The following ENOX1 variants were observed in gnomAD, a reference collection of about 807,000 sequenced individuals.
The protein encoded by ENOX1 is candidate growth-related and time keeping constitutive hydroquinone (NADH) oxidase.
ENOX1 carries 42 observed loss-of-function variants against 82.5 expected under a neutral mutation model. The observed-to-expected ratio is 0.51, with a 90% CI of 0.40 to 0.66. ENOX1 has a LOEUF of 0.66. Ranked by LOEUF, ENOX1 falls within the 30% of genes least tolerant of loss-of-function variation. ENOX1 has a pLI of 0.00. For synonymous variants in ENOX1, 271 were observed against 282.2 expected (o/e 0.96, Z 0.40); for missense variants, 608 against 811.6 (o/e 0.75, Z 3.05).
At chr13:43,229,027 A>C (rs1207249286) in intron 15 of ENOX1, among the ~76,000 whole-genome samples, 1 of 152,168 alleles carries the variant, frequency 6.6e-6, no homozygotes, top group African/African-American at 2.4e-5. Context: ...ACCCAGTGGG[A>C]GATAACTGAA....
intron 1 of ENOX1, among the ~76,000 whole-genome samples, chr13:43,701,915 C>T (rs930521229): frequency 1.3e-5 from 2 of 152,092 alleles, no homozygotes; most frequent in African/African-American, 2.4e-5. Context: ...TAGGTGTAGT[C>T]CCTGTGTAGA....
rs372883948 is a variant in ENOX1 at position 43,248,036 on chromosome 13, C to G, written c.1612-11298G>C. Among the ~76,000 whole-genome samples the G allele has an allele frequency of 4.5e-4, 67 of 148,556 alleles. No homozygotes were observed. The East Asian group carries it at 1.0e-2, about 22-fold the overall frequency. On this transcript the variant is annotated intron_variant, in intron 14 of 16. Coordinates refer to ENST00000690772, the MANE Select transcript of ENOX1 (RefSeq NM_001347969.2). ...AAGTACCTGGGACTACAGGCGCCCG[C>G]CACTACGCCTGTCTAATTTTTTGTA...
chr13:43,617,669 G>T (rs1393654534), intron 2 of ENOX1, among the ~76,000 whole-genome samples: 1 of 152,172 alleles, frequency 6.6e-6, no homozygotes, highest in Non-Finnish European at 1.5e-5. Context: ...ATTGTGAATT[G>T]TGCCACTATA....
chr13:43,706,252 T>G (rs1403379571), intron 1 of ENOX1, among the ~76,000 whole-genome samples: 1 of 151,492 alleles, frequency 6.6e-6, no homozygotes, highest in African/African-American at 2.4e-5. Context: ...ATAGAATAAA[T>G]TAATACAAAG....
In ENOX1 at chr13:43,734,080, C is replaced by T. The variant is rs532503932; in HGVS notation, c.-285+52572G>A. ...AAGCCAAGGAAAGCCTCAAGGACTTCGGACAAAACACCAGAAACAAGAAAA... is the reference window on the plus strand; with the variant it reads ...AAGCCAAGGAAAGCCTCAAGGACTTTGGACAAAACACCAGAAACAAGAAAA... On this transcript the variant is annotated intron_variant, in intron 1 of 16. Coordinates refer to ENST00000690772, the MANE Select transcript of ENOX1 (RefSeq NM_001347969.2). 2.4e-4 allele frequency among the ~76,000 whole-genome samples: 36 copies of T among 152,316 alleles called. 1 individual carries two copies. Among genetic ancestry groups the T allele is most frequent in the Admixed American group, 5.9e-4 (9 of 15,300 alleles).
chr13:43,361,818 T>TC (rs2050529312), intron 5 of ENOX1, among the ~76,000 whole-genome samples: 1 of 152,138 alleles, frequency 6.6e-6, no homozygotes, highest in Admixed American at 6.5e-5. Flanking sequence ...ATGGGAAGAA[T>TC]ATCATTTAAC....
chr13:43,734,702 T>C (rs1389950902), intron 1 of ENOX1, among the ~76,000 whole-genome samples: 1 of 152,142 alleles, frequency 6.6e-6, no homozygotes, highest in Non-Finnish European at 1.5e-5. Flanking sequence ...TTTAATGAAA[T>C]CACAGCATGC....
intron 1 of ENOX1, among the ~76,000 whole-genome samples, chr13:43,754,069 T>C (rs1350356077): frequency 6.9e-6 from 1 of 145,000 alleles, no homozygotes; most frequent in Non-Finnish European, 1.5e-5. Flanking sequence ...CATATATACG[T>C]ATATAAATAC....
At chr13:43,469,758 G>T (rs936948049) in intron 3 of ENOX1, among the ~76,000 whole-genome samples, 4 of 151,784 alleles carry the variant, frequency 2.6e-5, no homozygotes, top group African/African-American at 9.7e-5. Flanking sequence ...TAGAAACCAG[G>T]AACATAATTC....
intron 1 of ENOX1, among the ~76,000 whole-genome samples, chr13:43,740,781 GT>G (rs1381055300): frequency 6.6e-6 from 1 of 152,114 alleles, no homozygotes; most frequent in East Asian, 1.9e-4. Flanking sequence ...CACTTCACAT[GT>G]TTTTAAGGTT....
chr13:43,290,928 G>A (rs2045965335), intron 12 of ENOX1, among the ~76,000 whole-genome samples: 1 of 152,152 alleles, frequency 6.6e-6, no homozygotes, highest in Non-Finnish European at 1.5e-5. Flanking sequence ...TCAGGAGGCT[G>A]AGACAAGAGA....
chr13:43,601,643 G>A (rs1404727453), intron 2 of ENOX1, among the ~76,000 whole-genome samples: 1 of 152,094 alleles, frequency 6.6e-6, no homozygotes, highest in African/African-American at 2.4e-5. Flanking sequence ...TATCCAAAGG[G>A]ATAATAACAC....
At chr13:43,348,348 C>T (rs1029053142) in intron 8 of ENOX1, among the ~76,000 whole-genome samples, 1 of 152,148 alleles carries the variant, frequency 6.6e-6, no homozygotes, top group Non-Finnish European at 1.5e-5. Flanking sequence ...ATAAAATTTC[C>T]AAAGACATAT....
At chr13:43,406,619 A>G (rs2053814007) in intron 5 of ENOX1, among the ~76,000 whole-genome samples, 3 of 151,264 alleles carry the variant, frequency 2.0e-5, no homozygotes, top group African/African-American at 7.3e-5. Context: ...CAGCCTCCCG[A>G]GTAGCTGGGA....
chr13:43,682,524 T>C (rs2085843323), intron 1 of ENOX1, among the ~76,000 whole-genome samples: 1 of 152,154 alleles, frequency 6.6e-6, no homozygotes, highest in Admixed American at 6.6e-5. Context: ...TCACAGCAAA[T>C]GCAGGCTGGC....
chr13:43,342,458 C>T (rs2049122685), intron 9 of ENOX1, among the ~76,000 whole-genome samples: 1 of 152,104 alleles, frequency 6.6e-6, no homozygotes. Flanking sequence ...AGATTAAAAG[C>T]AAGGATTCCA....
At chr13:43,716,938 A>G (rs1160700135) in intron 1 of ENOX1, among the ~76,000 whole-genome samples, 1 of 152,230 alleles carries the variant, frequency 6.6e-6, no homozygotes, top group Non-Finnish European at 1.5e-5. Flanking sequence ...GATTGGAAGA[A>G]TCAATATTGT....
intron 1 of ENOX1, among the ~76,000 whole-genome samples, chr13:43,694,810 C>A (rs1237068935): frequency 1.3e-5 from 2 of 152,070 alleles, no homozygotes; most frequent in Non-Finnish European, 2.9e-5. Flanking sequence ...TTTATAAAAC[C>A]CAAGTTTTCT....
intron 1 of ENOX1, among the ~76,000 whole-genome samples, chr13:43,741,089 T>C (rs1222913142): frequency 6.6e-6 from 1 of 151,322 alleles, no homozygotes; most frequent in Non-Finnish European, 1.5e-5. Context: ...GAAACTTTTT[T>C]TTTTTTTTTT....
Sources: gnomAD v4.1 joint callset for allele counts (sites outside exome capture counted in the v4.1 genomes callset) on GRCh38, gnomAD v4.1.1 for gene constraint, MANE v1.5 for transcripts, NCBI Gene and HGNC (gene_info 2026-07-23, HGNC 2026-07-21) for gene names.